Variants in NF1 observed in about 807,000 individuals in gnomAD.
NF1 encodes neurofibromin 1.
NF1 carries 122 observed loss-of-function variants against 325.7 expected under a neutral mutation model. The ratio of observed to expected loss-of-function variants is 0.37; its 90% CI spans 0.32 to 0.44. NF1 has a LOEUF of 0.44. Among genes scored for constraint, NF1 ranks in the 20% least tolerant of loss-of-function variants. The pLI is 1.00. For synonymous variants in NF1, 1,091 were observed against 1,186.0 expected, an observed-to-expected ratio of 0.92 and a Z score of 1.65; for missense variants, 2,140 against 3,415.4, an observed-to-expected ratio of 0.63 and a Z score of 9.31.
At chr17:31,360,399 A>G in intron 56 of NF1, 88 bp from the exon 57 acceptor site, 2 of 1,109,958 alleles carry the variant, frequency 1.8e-6, no homozygotes, top group Non-Finnish European at 1.4e-6. Context: ...ATAGTAAATT[A>G]AGTCCAAACA....
intron 36 of NF1, chr17:31,304,180 G>A: frequency 7.5e-7 from 1 of 1,336,428 alleles, no homozygotes; most frequent in East Asian, 2.4e-5. Flanking sequence ...TTGACTATCA[G>A]TTGCCATTTT....
rs1379858064 is a variant in NF1 at position 31,295,587 on chromosome 17, C to T, written c.4836-30233C>T. ...TGGGTAGAACATGGAGTCCCTATCA[C>T]ATGGGCTTTTGTTTCCATCATCCAC... On this transcript the variant is annotated intron_variant, in intron 36 of 57. Transcript: ENST00000358273. 3 of 1,614,148 alleles carry T rather than the reference C, an allele frequency of 1.9e-6. No individual in the cohort carries two copies. In the South Asian group the frequency reaches 3.3e-5, roughly 18 times the overall value.
At chr17:31,163,846 C>A (rs181002490) in intron 4 of NF1, among the ~76,000 whole-genome samples, 1 of 152,238 alleles carries the variant, frequency 6.6e-6, no homozygotes, top group East Asian at 1.9e-4. Context: ...ACTTTCACAA[C>A]TCTACCCTTT....
chr17:31,147,649 T>C (rs1281875140), intron 1 of NF1, among the ~76,000 whole-genome samples: 2 of 152,210 alleles, frequency 1.3e-5, no homozygotes, highest in African/African-American at 4.8e-5. Context: ...TGCCTACTAG[T>C]AGCTCCTAAG....
At chr17:31,248,910 GTC>G (rs2067446201) in intron 29 of NF1, 72 bp from the exon 30 acceptor site, 2 of 1,470,556 alleles carry the variant, frequency 1.4e-6, no homozygotes, top group Non-Finnish European at 1.9e-6. Context: ...CTGTATAAGA[GTC>G]TCTTTTAAGG....
chr17:31,315,639 C>T (rs529094752), intron 36 of NF1, among the ~76,000 whole-genome samples: 2 of 152,212 alleles, frequency 1.3e-5, no homozygotes, highest in South Asian at 2.1e-4. Flanking sequence ...GAGTAAGTCA[C>T]CTTTCCTCTC....
rs1043985183 is a variant in NF1 at position 31,118,500 on chromosome 17, T to G, written c.60+23131T>G. 4.6e-5 allele frequency among the ~76,000 whole-genome samples: 7 copies of G among 152,240 alleles called. No individual in the cohort carries two copies. The East Asian group carries it at 1.3e-3, about 29-fold the overall frequency. Reference sequence around the variant, plus strand: ...GTTCCCCTCTGTGTGTCCATGTGTTTTCATTGCTCAACTCGTACTTATGAA... The same window carrying G: ...GTTCCCCTCTGTGTGTCCATGTGTTGTCATTGCTCAACTCGTACTTATGAA... On this transcript the variant is annotated intron_variant, in intron 1 of 57. Coordinates refer to ENST00000358273, the MANE Select transcript of NF1 (RefSeq NM_001042492.3).
At chr17:31,340,404 A>G in intron 46 of NF1, 101 bp from the exon 47 acceptor site, 1 of 1,444,714 alleles carries the variant, frequency 6.9e-7, no homozygotes, top group South Asian at 1.2e-5. Context: ...AAACATGGGT[A>G]ATTTAGGAAG....
chr17:31,107,720 A>G (rs1912990391), intron 1 of NF1, among the ~76,000 whole-genome samples: 2 of 152,216 alleles, frequency 1.3e-5, no homozygotes. Context: ...CATGTTTTCA[A>G]GACACCTCAC....
Position 31,330,511 on chromosome 17 carries a change from A to G in NF1, c.5812+13A>G, listed in dbSNP as rs2151545072. On this transcript the variant is annotated intron_variant, in intron 39 of 57. Coordinates refer to ENST00000358273, the MANE Select transcript of NF1 (RefSeq NM_001042492.3). ...TTTAGCAAATCTAGTAAGTAATGATAATTTTCTTTAATACTAACAATTATT... is the reference window on the plus strand; with the variant it reads ...TTTAGCAAATCTAGTAAGTAATGATGATTTTCTTTAATACTAACAATTATT... 9.8e-6 allele frequency: 15 copies of G among 1,532,932 alleles called. No homozygotes were observed. Among genetic ancestry groups the G allele is most frequent in the African/African-American group, 1.4e-5 (1 of 73,350 alleles). The allele number at this position is 1,532,932 out of a possible 1,614,324, so 95.0% of individuals were successfully genotyped here.
intron 39 of NF1, among the ~76,000 whole-genome samples, chr17:31,333,186 T>C (rs921509805): frequency 2.6e-5 from 4 of 152,172 alleles, no homozygotes; most frequent in Non-Finnish European, 5.9e-5. Context: ...GTCTGTGGAA[T>C]TGTGAGTAGA....
In NF1 at chr17:31,239,553, G is replaced by GA. The variant is rs912288594; in HGVS notation, c.3974+3532_3974+3533insA. On this transcript the variant is annotated intron_variant, in intron 29 of 57. Transcript: ENST00000358273. ...AAGAGCAATACCTAAAGCAAGATGG[G>GA]GGGAGGAATCAGAAATCAATGAAAT... Among the ~76,000 whole-genome samples the GA allele has an allele frequency of 9.8e-4, 148 of 150,562 alleles. 2 individuals carry two copies. The highest frequency in any genetic ancestry group is 3.6e-3 in the African/African-American group (147 of 40,604).
At chr17:31,277,471 A>G (rs1457984788) in intron 36 of NF1, among the ~76,000 whole-genome samples, 1 of 152,182 alleles carries the variant, frequency 6.6e-6, no homozygotes, top group Non-Finnish European at 1.5e-5. Flanking sequence ...TATTTGTGAC[A>G]GAAATTAGTT....
At chr17:31,230,462 G>C (rs2151431955) in intron 23 of NF1, 80 bp downstream of exon 23, 1 of 1,528,688 alleles carries the variant, frequency 6.5e-7, no homozygotes, top group Non-Finnish European at 9.0e-7. Flanking sequence ...TAGATATGCG[G>C]TTATTGGTAG....
intron 30 of NF1, chr17:31,252,647 T>G (rs2067515495): frequency 2.7e-6 from 1 of 371,246 alleles, no homozygotes; most frequent in East Asian, 4.1e-5. Context: ...ATGTAAATAT[T>G]TAATATCCTC....
At chr17:31,113,703 T>G (rs1913632942) in intron 1 of NF1, among the ~76,000 whole-genome samples, 1 of 152,112 alleles carries the variant, frequency 6.6e-6, no homozygotes, top group South Asian at 2.1e-4. Flanking sequence ...CTAATTTTTG[T>G]AGAGACAGGG....
At chr17:31,187,798 A>G (rs8080752) in intron 8 of NF1, among the ~76,000 whole-genome samples, 2,048 of 152,196 alleles carry the variant, frequency 0.013, 50 homozygotes, top group African/African-American at 0.046. Context: ...TTAGTTCCAG[A>G]GGGAGGAACG....
chr17:31,240,209 G>C (rs1297874092), intron 29 of NF1, among the ~76,000 whole-genome samples: 1 of 151,416 alleles, frequency 6.6e-6, no homozygotes, highest in Non-Finnish European at 1.5e-5. Flanking sequence ...AACCATCCCC[G>C]GTCTCCCCTT....
At chr17:31,115,970 C>G (rs1396789943) in intron 1 of NF1, among the ~76,000 whole-genome samples, 1 of 151,994 alleles carries the variant, frequency 6.6e-6, no homozygotes, top group Non-Finnish European at 1.5e-5. Context: ...TAAAAAAGAT[C>G]AAAATAGGTA....
Sources: gnomAD v4.1 joint callset for allele counts (sites outside exome capture counted in the v4.1 genomes callset) on GRCh38, gnomAD v4.1.1 for gene constraint, MANE v1.5 for transcripts, NCBI Gene and HGNC (gene_info 2026-07-23, HGNC 2026-07-21) for gene names.